PIP4K2A: variants seen among roughly 807,000 people sequenced by gnomAD.
PIP4K2A encodes phosphatidylinositol 5-phosphate 4-kinase type-2 alpha.
In PIP4K2A, 14 loss-of-function variants were observed where a neutral mutation model predicts 42.9. The ratio of observed to expected loss-of-function variants is 0.33; its 90% CI spans 0.22 to 0.51. PIP4K2A has a LOEUF of 0.51. Among genes scored for constraint, PIP4K2A ranks in the 20% least tolerant of loss-of-function variants. PIP4K2A has a pLI of 0.97. For synonymous variants in PIP4K2A, 192 were observed against 192.2 expected, an observed-to-expected ratio of 1.00 and a Z score of 0.01; for missense variants, 434 against 519.8, an observed-to-expected ratio of 0.83 and a Z score of 1.61.
intron 3 of PIP4K2A, among the ~76,000 whole-genome samples, chr10:22,592,830 G>C (rs1037962798): frequency 5.9e-5 from 9 of 152,186 alleles, no homozygotes; most frequent in Admixed American, 4.6e-4. Context: ...TTCACTCCTT[G>C]CCTGGCCCTG....
At chr10:22,641,364 C>T (rs1039586731) in intron 1 of PIP4K2A, among the ~76,000 whole-genome samples, 1 of 152,196 alleles carries the variant, frequency 6.6e-6, no homozygotes, top group Non-Finnish European at 1.5e-5. Context: ...CATTAACACG[C>T]TGACATTGAC....
At chr10:22,575,953 A>C (rs1837107376) in intron 4 of PIP4K2A, among the ~76,000 whole-genome samples, 1 of 151,976 alleles carries the variant, frequency 6.6e-6, no homozygotes, top group South Asian at 2.1e-4. Flanking sequence ...AAAAACAAAA[A>C]AGAAAAAAAA....
rs535225157 is a variant in PIP4K2A, at chr10:22,582,643, T to C, written c.492+8986A>G. 7.9e-5 allele frequency among the ~76,000 whole-genome samples: 12 copies of C among 152,160 alleles called. No homozygotes were observed. In the South Asian group the frequency reaches 1.5e-3, roughly 18 times the overall value. ...ATTATCTGTAATCCTTACTGTGCCA[T>C]GGGCTATGTTTAGAGATTATTCCTA... On this transcript the variant is annotated intron_variant, in intron 4 of 9. Transcript: ENST00000376573.
chr10:22,577,519 G>A (rs372900219), intron 4 of PIP4K2A, among the ~76,000 whole-genome samples: 27 of 152,272 alleles, frequency 1.8e-4, no homozygotes, highest in African/African-American at 5.5e-4. Flanking sequence ...GAAGCTTCCT[G>A]AGGGTCTCAC....
chr10:22,692,882 C>A (rs1839901604), intron 1 of PIP4K2A, among the ~76,000 whole-genome samples: 1 of 152,158 alleles, frequency 6.6e-6, no homozygotes. Flanking sequence ...TTTCACCAAG[C>A]TGGACTGGAA....
intron 7 of PIP4K2A, among the ~76,000 whole-genome samples, chr10:22,549,218 A>C: frequency 6.6e-6 from 1 of 152,262 alleles, no homozygotes; most frequent in East Asian, 1.9e-4. Context: ...TTAACTACTA[A>C]TAACTTGGTC....
chr10:22,578,910 G>A (rs891278729), intron 4 of PIP4K2A, among the ~76,000 whole-genome samples: 1 of 151,992 alleles, frequency 6.6e-6, no homozygotes, highest in East Asian at 1.9e-4. Context: ...TACTCTCTCC[G>A]CTCTCTTTAT....
intron 6 of PIP4K2A, among the ~76,000 whole-genome samples, chr10:22,553,233 A>G (rs1836454650): frequency 1.3e-5 from 2 of 152,208 alleles, no homozygotes; most frequent in Non-Finnish European, 1.5e-5. Context: ...CTGGCAGGGC[A>G]GCTGCCAGCA....
intron 1 of PIP4K2A, among the ~76,000 whole-genome samples, chr10:22,690,124 G>C (rs879730295): frequency 4.6e-5 from 7 of 152,154 alleles, no homozygotes; most frequent in Non-Finnish European, 8.8e-5. Flanking sequence ...AGCAAACAGG[G>C]CCAGGCATGG....
intron 1 of PIP4K2A, among the ~76,000 whole-genome samples, chr10:22,617,101 G>A (rs1278026258): frequency 6.6e-6 from 1 of 152,214 alleles, no homozygotes; most frequent in Non-Finnish European, 1.5e-5. Context: ...CCTCTCCTGA[G>A]CAAGGCATTG....
intron 6 of PIP4K2A, among the ~76,000 whole-genome samples, chr10:22,565,555 C>T (rs1836826583): frequency 6.6e-6 from 1 of 152,176 alleles, no homozygotes; most frequent in African/African-American, 2.4e-5. Context: ...ATGTATGTTG[C>T]CTCAGGACCA....
intron 2 of PIP4K2A, among the ~76,000 whole-genome samples, chr10:22,608,385 G>C (rs1803447871): frequency 6.6e-6 from 1 of 152,170 alleles, no homozygotes; most frequent in Admixed American, 6.5e-5. Flanking sequence ...AGGCAGCGGA[G>C]CAAGGTTCCC....
intron 1 of PIP4K2A, among the ~76,000 whole-genome samples, chr10:22,647,197 C>T (rs535613440): frequency 1.3e-5 from 2 of 152,116 alleles, no homozygotes; most frequent in Admixed American, 6.6e-5. Context: ...CTTTAAGTTG[C>T]CTATTAAAAG....
Position 22,591,735 on chromosome 10 carries a change from C to A in PIP4K2A, c.386G>T (p.Arg129Leu). 1 of 1,612,952 alleles carries A rather than the reference C, an allele frequency of 6.2e-7. No individual in the cohort carries two copies. Residue 129 changes from arginine to leucine, a missense_variant, in exon 4 of 10, where the codon CGC (arginine) becomes CTC (leucine). Arg to Leu is a moderately radical substitution (Grantham distance 102). Transcript: ENST00000376573. ...SAPLPNDSQARSGARFHTSYD... is the reference protein window; with the variant it reads ...SAPLPNDSQALSGARFHTSYD... Reference sequence around the variant, plus strand: ...GGAAGTGTGAAAACGAGCTCCACTGCGGGCCTGGGAGTCGTTGGGGAGGGG... The same window carrying A: ...GGAAGTGTGAAAACGAGCTCCACTGAGGGCCTGGGAGTCGTTGGGGAGGGG...
At position 22,683,670 on chromosome 10, in the gene PIP4K2A, G is replaced by C. The variant is rs568863146; in HGVS notation, c.144+30513C>G. ...GTTCCCTTCTGCAGGGTTTGATAAA[G>C]AAGTCTGTTGAGCACGTGTTTATCA... On this transcript the variant is annotated intron_variant, in intron 1 of 9. Coordinates refer to ENST00000376573, the MANE Select transcript of PIP4K2A (RefSeq NM_005028.5). Among the ~76,000 whole-genome samples the C allele has an allele frequency of 3.3e-5, 5 of 152,190 alleles. No individual in the cohort carries two copies. The South Asian group carries it at 1.0e-3, about 32-fold the overall frequency.
intron 1 of PIP4K2A, among the ~76,000 whole-genome samples, chr10:22,618,471 G>A (rs998430884): frequency 2.2e-4 from 34 of 152,262 alleles, no homozygotes; most frequent in African/African-American, 8.2e-4. Context: ...GTTCTGACTT[G>A]TTTTGTCCCT....
chr10:22,639,483 C>A, intron 1 of PIP4K2A, among the ~76,000 whole-genome samples: 1 of 150,142 alleles, frequency 6.7e-6, no homozygotes, highest in Middle Eastern at 3.4e-3. Context: ...TGTATATGTC[C>A]AACTTTTCTT....
chr10:22,579,765 C>A (rs571333718), intron 4 of PIP4K2A, among the ~76,000 whole-genome samples: 2 of 151,772 alleles, frequency 1.3e-5, no homozygotes, highest in Non-Finnish European at 2.9e-5. Flanking sequence ...AAAAATCAGA[C>A]GGGCATGGTG....
Position 22,575,666 on chromosome 10 carries a change from G to A in PIP4K2A, c.493-2209C>T, listed in dbSNP as rs554174295. ...ATCAAATCTGTCTACTTTGCCAGGCGCGGTGGCTCACGCCTGTAATCCCAG... is the reference window on the plus strand; with the variant it reads ...ATCAAATCTGTCTACTTTGCCAGGCACGGTGGCTCACGCCTGTAATCCCAG... On this transcript the variant is annotated intron_variant, in intron 4 of 9. Coordinates refer to ENST00000376573, the MANE Select transcript of PIP4K2A (RefSeq NM_005028.5). Among the ~76,000 whole-genome samples, 22 of 152,154 alleles carry A rather than the reference G, an allele frequency of 1.4e-4. No homozygotes were observed. The South Asian group carries it at 3.7e-3, about 26-fold the overall frequency.
Sources: allele counts gnomAD v4.1 joint callset (sites outside exome capture counted in the v4.1 genomes callset), GRCh38; gene constraint gnomAD v4.1.1; transcripts MANE v1.5; gene names NCBI Gene and HGNC (gene_info 2026-07-23, HGNC 2026-07-21).